The following SEPTIN9 variants were observed in gnomAD, a reference collection of about 807,000 sequenced individuals.
The protein encoded by SEPTIN9 is septin-9.
A neutral mutation model predicts 56.6 loss-of-function variants in SEPTIN9; 13 were observed. That is an observed-to-expected ratio of 0.23 (90% confidence interval 0.15 to 0.37). SEPTIN9 has a LOEUF of 0.37. Ranked by LOEUF, SEPTIN9 falls within the 10% of genes least tolerant of loss-of-function variation. SEPTIN9 has a pLI of 1.00. For missense variants in SEPTIN9, 650 were observed against 823.1 expected, an observed-to-expected ratio of 0.79 and a Z score of 2.57; for synonymous variants, 332 against 334.1, an observed-to-expected ratio of 0.99 and a Z score of 0.07.
At chr17:77,399,353 C>T (rs1463091381) in intron 2 of SEPTIN9, among the ~76,000 whole-genome samples, 1 of 152,140 alleles carries the variant, frequency 6.6e-6, no homozygotes, top group African/African-American at 2.4e-5. Flanking sequence ...TTTCTGTTCT[C>T]CAACTTGACC....
Position 77,436,682 on chromosome 17 carries a change from C to T in SEPTIN9, c.721+33979C>T, listed in dbSNP as rs1030966976. On this transcript the variant is annotated intron_variant, in intron 3 of 11. Transcript: ENST00000427177. The surrounding 1 kb of genome is among the most constrained non-coding windows in gnomAD (Gnocchi z 4.4). ...TACACCTCCTGTTTTGCTGCACTAG[C>T]CTCGTGGTAGGGGCTGCGGCGGAGG... Among the ~76,000 whole-genome samples, 2 of 152,248 alleles carry T rather than the reference C, an allele frequency of 1.3e-5. No homozygotes were observed. Among genetic ancestry groups the T allele is most frequent in the African/African-American group, 4.8e-5 (2 of 41,466 alleles).
intron 2 of SEPTIN9, among the ~76,000 whole-genome samples, chr17:77,340,969 C>T (rs1243949282): frequency 2.0e-5 from 3 of 152,226 alleles, no homozygotes; most frequent in Non-Finnish European, 4.4e-5. Flanking sequence ...TAGGGCTTTG[C>T]CCTGGATTAG....
chr17:77,392,227 T>C (rs1001514713), intron 2 of SEPTIN9, among the ~76,000 whole-genome samples: 1 of 152,118 alleles, frequency 6.6e-6, no homozygotes, highest in Non-Finnish European at 1.5e-5. Context: ...AGGAAGGACC[T>C]CCGGAGTGCC....
chr17:77,466,357 T>G lies in SEPTIN9; in HGVS notation c.722-15787T>G. 4.5e-5 allele frequency: 44 copies of G among 982,994 alleles called. 1 individual carries two copies. Among genetic ancestry groups the G allele is most frequent in the Non-Finnish European group, 5.3e-5 (44 of 827,748 alleles). 60.9% of individuals were successfully genotyped at this position (982,994 alleles called of 1,614,324 possible). A position where few individuals can be genotyped will look rare whatever the true frequency, so the allele number is the denominator to read the frequency against. On this transcript the variant is annotated intron_variant, in intron 3 of 11. Coordinates refer to ENST00000427177, the MANE Select transcript of SEPTIN9 (RefSeq NM_001113491.2). ...CCAGGCCCCTTCCCCCTCCCAGCCT[T>G]GGGAGAAATTACCATATGAATGTAG...
intron 2 of SEPTIN9, among the ~76,000 whole-genome samples, chr17:77,368,150 G>T (rs1157064846): frequency 6.6e-6 from 1 of 152,236 alleles, no homozygotes; most frequent in Non-Finnish European, 1.5e-5. Flanking sequence ...GCAGCTAGGG[G>T]AAGGAAGGAT....
At position 77,482,388 on chromosome 17, in the gene SEPTIN9, C is replaced by G. The variant is rs376593616; in HGVS notation, c.913+53C>G. 1,634 of 1,579,634 alleles carry G rather than the reference C, an allele frequency of 1.0e-3. 22 individuals carry two copies. In the South Asian group the frequency reaches 0.015, roughly 14 times the overall value. On this transcript the variant is annotated intron_variant, in intron 4 of 11. Coordinates refer to ENST00000427177, the MANE Select transcript of SEPTIN9 (RefSeq NM_001113491.2). ...ACCAATGCCGGAAACCAGCCTCAGC[C>G]CCCAGGGCGGCCCACAAGCCTTTGG...
chr17:77,468,130 T>TG (rs2038829287), intron 3 of SEPTIN9, among the ~76,000 whole-genome samples: 1 of 151,916 alleles, frequency 6.6e-6, no homozygotes, highest in South Asian at 2.1e-4. Context: ...CCGGGCGTGG[T>TG]GGCGGGCGCC....
intron 2 of SEPTIN9, among the ~76,000 whole-genome samples, chr17:77,342,439 C>G (rs2033763528): frequency 6.6e-6 from 1 of 152,210 alleles, no homozygotes; most frequent in South Asian, 2.1e-4. Context: ...CAATCTAGAT[C>G]TTTTTAAAGA....
intron 1 of SEPTIN9, among the ~76,000 whole-genome samples, chr17:77,287,680 T>G (rs1033893856): frequency 1.3e-5 from 2 of 152,162 alleles, no homozygotes; most frequent in Non-Finnish European, 2.9e-5. Context: ...GCAGCCCCTG[T>G]GAAGGGAGAC....
At chr17:77,344,904 G>A (rs186742399) in intron 2 of SEPTIN9, among the ~76,000 whole-genome samples, 3 of 149,750 alleles carry the variant, frequency 2.0e-5, no homozygotes, top group Non-Finnish European at 4.4e-5. Flanking sequence ...CTAGGGAGGT[G>A]GAGGTTGCAG....
rs1001500034 is a variant in SEPTIN9 at position 77,313,254 on chromosome 17, G to C, written c.76+6057G>C. Among the ~76,000 whole-genome samples the C allele has an allele frequency of 6.6e-6, 1 of 152,252 alleles. No individual in the cohort carries two copies. The highest frequency in any genetic ancestry group is 2.4e-5 in the African/African-American group (1 of 41,474). ...GAATGGAGCGCCAGCTCCAGCTCCT[G>C]TCAGGCTACAGCCCAGATGGTTGGC... is the stretch of plus-strand genomic sequence containing the variant. On this transcript the variant is annotated intron_variant, in intron 2 of 11. Coordinates refer to ENST00000427177, the MANE Select transcript of SEPTIN9 (RefSeq NM_001113491.2). This position sits in a 1 kb window ranked among gnomAD's most constrained non-coding sequence, Gnocchi z 4.5.
rs144964254 is a variant in SEPTIN9, at chr17:77,351,627, C to T, written c.76+44430C>T. The stretch of plus-strand genomic sequence containing the variant: ...GGCCCCAGGGCCCTTGGAGGCCCTG[C>T]CCCTGAGACATGGGCCAAGGTCAGA... On this transcript the variant is annotated intron_variant, in intron 2 of 11. Coordinates refer to ENST00000427177, the MANE Select transcript of SEPTIN9 (RefSeq NM_001113491.2). Among the ~76,000 whole-genome samples the T allele has an allele frequency of 6.0e-4, 91 of 152,358 alleles. No individual in the cohort carries two copies. In the East Asian group the frequency reaches 0.012, roughly 21 times the overall value.
intron 3 of SEPTIN9, among the ~76,000 whole-genome samples, chr17:77,423,234 C>G (rs1201122866): frequency 6.6e-6 from 1 of 152,074 alleles, no homozygotes; most frequent in African/African-American, 2.4e-5. Flanking sequence ...TGGAGTTTCA[C>G]CATGTTGGCC....
intron 1 of SEPTIN9, 31 bp from the exon 2 acceptor site, chr17:77,307,110 T>C (rs1216107457): frequency 6.2e-7 from 1 of 1,610,982 alleles, no homozygotes; most frequent in African/African-American, 1.3e-5. Context: ...AGTGGCCTTG[T>C]GTGACCTTTG....
intron 3 of SEPTIN9, among the ~76,000 whole-genome samples, chr17:77,471,464 GTT>G (rs2038994695): frequency 6.6e-6 from 1 of 152,272 alleles, no homozygotes; most frequent in Non-Finnish European, 1.5e-5. Flanking sequence ...CCTTGTCTAA[GTT>G]TTGTTATTTC....
At position 77,389,826 on chromosome 17, in the gene SEPTIN9, A is replaced by C. The variant is rs1295698054; in HGVS notation, c.77-12233A>C. Among the ~76,000 whole-genome samples, 5 of 152,160 alleles carry C rather than the reference A, an allele frequency of 3.3e-5. No individual in the cohort carries two copies. Among genetic ancestry groups the C allele is most frequent in the Non-Finnish European group, 1.5e-5 (1 of 68,012 alleles). On this transcript the variant is annotated intron_variant, in intron 2 of 11. Transcript: ENST00000427177. This position sits in a 1 kb window ranked among gnomAD's most constrained non-coding sequence, Gnocchi z 4.3. ...CCCCTCAATCTGCTCCTAGTGGAGCAGCCAGCAGCTGGTTTAGAACCCGGG... is the reference window on the plus strand; with the variant it reads ...CCCCTCAATCTGCTCCTAGTGGAGCCGCCAGCAGCTGGTTTAGAACCCGGG...
chr17:77,416,433 T>G (rs1161521472), intron 3 of SEPTIN9, among the ~76,000 whole-genome samples: 1 of 152,092 alleles, frequency 6.6e-6, no homozygotes, highest in Non-Finnish European at 1.5e-5. Flanking sequence ...GAACGGAGTG[T>G]GATGAATAAC....
chr17:77,451,378 C>T lies in SEPTIN9; in HGVS notation c.722-30766C>T. 1.0e-6 allele frequency: 1 copy of T among 985,780 alleles called. No individual in the cohort carries two copies. The highest frequency in any genetic ancestry group is 6.1e-5 in the Admixed American group (1 of 16,292). The allele number at this position is 985,780 out of a possible 1,614,324, so 61.1% of individuals were successfully genotyped here. A position where few individuals can be genotyped will look rare whatever the true frequency, so the allele number is the denominator to read the frequency against. On this transcript the variant is annotated intron_variant, in intron 3 of 11. Transcript: ENST00000427177. The surrounding 1 kb of genome is among the most constrained non-coding windows in gnomAD (Gnocchi z 4.2). ...GCCTCCCTTCCCAGGCAGTCGAGGT[C>T]CCTCCCTACCTCTGCCCCGCGCTCT...
intron 2 of SEPTIN9, chr17:77,376,172 G>A: frequency 1.0e-6 from 1 of 987,304 alleles, no homozygotes; most frequent in Non-Finnish European, 1.2e-6. Context: ...GCCAGCAGCA[G>A]TGGGGGAGGC....
Sources: allele counts gnomAD v4.1 joint callset (sites outside exome capture counted in the v4.1 genomes callset), GRCh38; gene constraint gnomAD v4.1.1; non-coding constraint Gnocchi (gnomAD v3.1); transcripts MANE v1.5; gene names NCBI Gene and HGNC (gene_info 2026-07-23, HGNC 2026-07-21).